Variants in GKAP1 observed in about 807,000 individuals in gnomAD.
The protein encoded by GKAP1 is G kinase-anchoring protein 1.
In GKAP1, 31 loss-of-function variants were observed where a neutral mutation model predicts 56.7. The observed-to-expected ratio is 0.55, with a 90% CI of 0.41 to 0.74. The LOEUF (loss-of-function observed/expected upper bound fraction) is 0.74, where lower values mean the gene tolerates loss of function less well. GKAP1 is among the 30% of genes least tolerant of loss of function. GKAP1 has a pLI of 0.00. For missense variants in GKAP1, 364 were observed against 402.3 expected (o/e 0.90, Z 0.82); for synonymous variants, 151 against 138.6 (o/e 1.09, Z -0.63).
intron 8 of GKAP1, among the ~76,000 whole-genome samples, chr9:83,765,131 T>C (rs1341599771): frequency 2.0e-5 from 3 of 152,212 alleles, no homozygotes; most frequent in Non-Finnish European, 2.9e-5. Context: ...GCCTAGGGAC[T>C]TGGTGCCCTG....
chr9:83,748,571 T>C lies in GKAP1; in HGVS notation c.841-199A>G, dbSNP rs1017628713. The C allele has an allele frequency of 7.9e-5, 25 of 315,124 alleles. 3 individuals carry two copies. In the South Asian group the frequency reaches 2.1e-3, roughly 26 times the overall value. 19.5% of individuals were successfully genotyped at this position (315,124 alleles called of 1,614,324 possible). ...CCTGGCACAATAATACATATCAATA[T>C]TATACGTGATTGAAAATTAAAGGAG... On this transcript the variant is annotated intron_variant, in intron 9 of 12. Coordinates refer to ENST00000376371, the MANE Select transcript of GKAP1 (RefSeq NM_025211.4).
At chr9:83,802,824 T>C (rs1037033348) in intron 3 of GKAP1, among the ~76,000 whole-genome samples, 5 of 151,228 alleles carry the variant, frequency 3.3e-5, no homozygotes, top group African/African-American at 4.9e-5. Flanking sequence ...AGATTCTGTC[T>C]TCTCTTTAAA....
rs201829572 is a variant in GKAP1, at chr9:83,804,187, C to A, written c.216+2115G>T. ...GAGGTGAGGGGCGCCTCTGCCCAGC[C>A]GCCCCTACTGGGAAGTGAGGAGCCC... On this transcript the variant is annotated intron_variant, in intron 3 of 12. Coordinates refer to ENST00000376371, the MANE Select transcript of GKAP1 (RefSeq NM_025211.4). Among the ~76,000 whole-genome samples the A allele has an allele frequency of 4.8e-4, 72 of 150,050 alleles. 1 individual carries two copies. Among genetic ancestry groups the A allele is most frequent in the Middle Eastern group, 6.9e-3 (2 of 288 alleles).
At chr9:83,771,075 C>G (rs887730420) in intron 7 of GKAP1, among the ~76,000 whole-genome samples, 1 of 151,502 alleles carries the variant, frequency 6.6e-6, no homozygotes, top group Non-Finnish European at 1.5e-5. Flanking sequence ...CCCACATTCT[C>G]TTTTTTTTGA....
intron 4 of GKAP1, among the ~76,000 whole-genome samples, chr9:83,789,486 T>C (rs1001609964): frequency 5.9e-5 from 9 of 152,244 alleles, no homozygotes; most frequent in African/African-American, 2.2e-4. Context: ...TGGATTTGTG[T>C]ACATGTATGT....
chr9:83,750,891 C>T (rs1025166033), intron 9 of GKAP1, among the ~76,000 whole-genome samples: 26 of 151,848 alleles, frequency 1.7e-4, no homozygotes, highest in African/African-American at 6.1e-4. Context: ...GGCTGGAGTG[C>T]ATGGCACGAT....
At position 83,786,528 on chromosome 9, in the gene GKAP1, C is replaced by T. The variant is rs1392291758; in HGVS notation, c.439-1690G>A. Among the ~76,000 whole-genome samples the T allele has an allele frequency of 1.2e-4, 17 of 140,664 alleles. No homozygotes were observed. The Admixed American group carries it at 1.3e-3, about 11-fold the overall frequency. 92.3% of individuals were successfully genotyped at this position (140,664 alleles called of 152,430 possible). A position where few individuals can be genotyped will look rare whatever the true frequency, so the allele number is the denominator to read the frequency against. On this transcript the variant is annotated intron_variant, in intron 5 of 12. Transcript: ENST00000376371. ...TACACTACAGCCTGGGCAACAACAG[C>T]GAAACTCTGTCTCAAAAAAAAAAAA...
chr9:83,749,489 A>G (rs1943350903), intron 9 of GKAP1, among the ~76,000 whole-genome samples: 1 of 152,148 alleles, frequency 6.6e-6, no homozygotes, highest in Admixed American at 6.5e-5. Flanking sequence ...GGCCTCCCCA[A>G]AGTGCTGGGA....
intron 8 of GKAP1, among the ~76,000 whole-genome samples, chr9:83,766,907 G>A (rs1310642978): frequency 6.6e-6 from 1 of 152,198 alleles, no homozygotes; most frequent in Non-Finnish European, 1.5e-5. Flanking sequence ...GCGAGCCAGT[G>A]CTACATACTG....
intron 6 of GKAP1, among the ~76,000 whole-genome samples, chr9:83,782,018 T>C (rs1186946962): frequency 3.9e-5 from 6 of 151,976 alleles, no homozygotes; most frequent in Non-Finnish European, 5.9e-5. Context: ...TAATTTTTTG[T>C]ATTTTTAGTA....
At chr9:83,807,625 A>G (rs1024173344) in intron 2 of GKAP1, among the ~76,000 whole-genome samples, 3 of 152,224 alleles carry the variant, frequency 2.0e-5, no homozygotes, top group Non-Finnish European at 2.9e-5. Flanking sequence ...AGCCAGAGAT[A>G]ACAAGTATCC....
intron 4 of GKAP1, among the ~76,000 whole-genome samples, chr9:83,790,577 G>A (rs140620481): frequency 0.031 from 4,790 of 152,186 alleles, 137 homozygotes; most frequent in Non-Finnish European, 0.049. Context: ...GAGGTCAGGA[G>A]TTTGAGACCA....
intron 7 of GKAP1, among the ~76,000 whole-genome samples, chr9:83,773,027 T>C (rs956156401): frequency 1.3e-5 from 2 of 152,150 alleles, no homozygotes; most frequent in East Asian, 1.9e-4. Flanking sequence ...ACAGACTCTT[T>C]AAAAGTTAGA....
intron 7 of GKAP1, among the ~76,000 whole-genome samples, chr9:83,779,591 A>ATG (rs1943934699): frequency 1.7e-5 from 2 of 120,442 alleles, no homozygotes; most frequent in Non-Finnish European, 3.4e-5. Flanking sequence ...ATACACGTAT[A>ATG]TGTGTATATA....
intron 7 of GKAP1, 123 bp downstream of exon 7, chr9:83,780,259 C>G: frequency 1.7e-6 from 1 of 599,306 alleles, no homozygotes. Context: ...TGGGTTCACT[C>G]AAGACAAACC....
At chr9:83,811,713 G>A (rs1268643883) in intron 2 of GKAP1, among the ~76,000 whole-genome samples, 1 of 152,146 alleles carries the variant, frequency 6.6e-6, no homozygotes, top group Non-Finnish European at 1.5e-5. Context: ...CCTCTTGTTT[G>A]ATCAGGGTAA....
rs1169611254 is a variant in GKAP1 at position 83,784,854 on chromosome 9, A to T, written c.439-16T>A. On this transcript the variant is annotated splice_polypyrimidine_tract_variant and intron_variant, in intron 5 of 12. Coordinates refer to ENST00000376371, the MANE Select transcript of GKAP1 (RefSeq NM_025211.4). ...CTTCATACTCCTAAAAAGAATTACC[A>T]ACAACAATTAAGTTCAGTTTACAAA... 1 of 1,517,962 alleles carries T rather than the reference A, an allele frequency of 6.6e-7. No homozygotes were observed. The highest frequency in any genetic ancestry group is 8.9e-7 in the Non-Finnish European group (1 of 1,125,340). The allele number at this position is 1,517,962 out of a possible 1,614,324, so 94.0% of individuals were successfully genotyped here. A position where few individuals can be genotyped will look rare whatever the true frequency, so the allele number is the denominator to read the frequency against.
At chr9:83,752,536 TAG>T (rs1179598271) in intron 9 of GKAP1, among the ~76,000 whole-genome samples, 1 of 151,982 alleles carries the variant, frequency 6.6e-6, no homozygotes, top group African/African-American at 2.4e-5. Flanking sequence ...TCACAGAAAT[TAG>T]AGGTTACCGG....
intron 4 of GKAP1, among the ~76,000 whole-genome samples, chr9:83,794,194 G>C (rs898677464): frequency 1.3e-5 from 2 of 152,136 alleles, no homozygotes; most frequent in Admixed American, 6.6e-5. Flanking sequence ...TTAAAAAAGA[G>C]AGAGAAAGAA....
Sources: gnomAD v4.1 joint callset for allele counts (sites outside exome capture counted in the v4.1 genomes callset) on GRCh38, gnomAD v4.1.1 for gene constraint, MANE v1.5 for transcripts, NCBI Gene and HGNC (gene_info 2026-07-23, HGNC 2026-07-21) for gene names.